DCDC1: variants seen among roughly 807,000 people sequenced by gnomAD.
DCDC1 encodes doublecortin domain-containing protein 1.
Under a neutral mutation model 178.3 loss-of-function variants are expected in DCDC1, and 200 were observed. The observed-to-expected ratio is 1.12, with a 90% CI of 1.00 to 1.26. The LOEUF (loss-of-function observed/expected upper bound fraction) is 1.26. Among genes scored for constraint, DCDC1 ranks in the 50% most tolerant of loss-of-function variants. The pLI is 0.00. For synonymous variants in DCDC1, 690 were observed against 604.8 expected (o/e 1.14, Z -2.07); for missense variants, 1,983 against 1,749.2 (o/e 1.13, Z -2.38).
At chr11:31,050,944 C>T (rs1452818972) in intron 20 of DCDC1, among the ~76,000 whole-genome samples, 2 of 151,990 alleles carry the variant, frequency 1.3e-5, no homozygotes, top group Non-Finnish European at 2.9e-5. Flanking sequence ...CCCAAAAAAC[C>T]ACACTAGTTC....
chr11:30,891,882 A>G (rs2134049668), intron 36 of DCDC1, among the ~76,000 whole-genome samples: 1 of 152,230 alleles, frequency 6.6e-6, no homozygotes, highest in Non-Finnish European at 1.5e-5. Context: ...ACACTTTGTA[A>G]CTGGATTAAT....
At chr11:31,130,741 G>C (rs1171497657) in intron 10 of DCDC1, among the ~76,000 whole-genome samples, 1 of 152,070 alleles carries the variant, frequency 6.6e-6, no homozygotes, top group Non-Finnish European at 1.5e-5. Context: ...TGAGAGTCTA[G>C]AAATTTCTAT....
chr11:31,199,535 G>A (rs1352310543), intron 9 of DCDC1, among the ~76,000 whole-genome samples: 6 of 152,168 alleles, frequency 3.9e-5, no homozygotes. Context: ...GATACTAATT[G>A]TTCCGATTAA....
At chr11:31,152,193 C>G (rs886106470) in intron 9 of DCDC1, among the ~76,000 whole-genome samples, 1 of 152,164 alleles carries the variant, frequency 6.6e-6, no homozygotes, top group Non-Finnish European at 1.5e-5. Context: ...ACTTGCGACA[C>G]AAGAAGTTTG....
At chr11:31,107,403 A>C (rs1425841866) in intron 12 of DCDC1, among the ~76,000 whole-genome samples, 1 of 152,216 alleles carries the variant, frequency 6.6e-6, no homozygotes, top group African/African-American at 2.4e-5. Flanking sequence ...AACCAGTAGT[A>C]GGACAACTGC....
At chr11:31,214,178 A>G (rs1257305493) in intron 9 of DCDC1, among the ~76,000 whole-genome samples, 2 of 152,192 alleles carry the variant, frequency 1.3e-5, no homozygotes, top group Admixed American at 6.5e-5. Context: ...TTTCTGTTGT[A>G]CTGTTGCAAA....
At chr11:31,064,347 G>A (rs530430564) in intron 20 of DCDC1, 122 bp downstream of exon 20, 34 of 596,258 alleles carry the variant, frequency 5.7e-5, no homozygotes, top group African/African-American at 5.0e-4. Context: ...AAACTACTAC[G>A]CTTGAAAGCC....
At chr11:31,201,667 A>G (rs1277907944) in intron 9 of DCDC1, among the ~76,000 whole-genome samples, 1 of 152,132 alleles carries the variant, frequency 6.6e-6, no homozygotes, top group Admixed American at 6.5e-5. Context: ...GGAAAGAAAA[A>G]AAAAAAAAGA....
chr11:30,975,790 A>T (rs1391194103), intron 20 of DCDC1, among the ~76,000 whole-genome samples: 1 of 152,038 alleles, frequency 6.6e-6, no homozygotes, highest in Non-Finnish European at 1.5e-5. Context: ...TACAGCCAAA[A>T]GCAATCTACA....
At chr11:31,260,104 G>A (rs1158777932) in intron 8 of DCDC1, among the ~76,000 whole-genome samples, 1 of 152,140 alleles carries the variant, frequency 6.6e-6, no homozygotes, top group Non-Finnish European at 1.5e-5. Context: ...GAGCCCAGAC[G>A]GTAGCTGCTG....
intron 6 of DCDC1, among the ~76,000 whole-genome samples, chr11:31,295,358 T>C (rs1447521439): frequency 6.6e-6 from 1 of 152,180 alleles, no homozygotes; most frequent in Non-Finnish European, 1.5e-5. Context: ...GTGCATAGTG[T>C]AGTAGACACT....
intron 3 of DCDC1, among the ~76,000 whole-genome samples, chr11:31,322,661 C>G (rs1253745316): frequency 1.3e-5 from 2 of 152,146 alleles, no homozygotes; most frequent in African/African-American, 4.8e-5. Context: ...AGCCATCTTG[C>G]AAGCAGGAGG....
At chr11:31,029,569 A>T (rs2135264775) in intron 20 of DCDC1, among the ~76,000 whole-genome samples, 1 of 152,140 alleles carries the variant, frequency 6.6e-6, no homozygotes, top group South Asian at 2.1e-4. Context: ...TTAGCAAACA[A>T]ATATTTTGTT....
chr11:30,899,456 T>C (rs939043470), intron 34 of DCDC1, 85 bp downstream of exon 34: 1 of 734,092 alleles, frequency 1.4e-6, no homozygotes, highest in Non-Finnish European at 2.0e-6. Context: ...AAACACTTGG[T>C]ATCTAATGGT....
At chr11:31,314,765 A>G (rs1948968603) in intron 3 of DCDC1, among the ~76,000 whole-genome samples, 1 of 152,204 alleles carries the variant, frequency 6.6e-6, no homozygotes, top group Non-Finnish European at 1.5e-5. Context: ...CTTAAAGATA[A>G]CTGATTATGT....
chr11:30,995,170 T>C (rs1951192967), intron 20 of DCDC1, among the ~76,000 whole-genome samples: 1 of 152,124 alleles, frequency 6.6e-6, no homozygotes, highest in Non-Finnish European at 1.5e-5. Context: ...TTACACAAAA[T>C]ATTAAGATAA....
chr11:31,205,447 T>C (rs1191519601), intron 9 of DCDC1, among the ~76,000 whole-genome samples: 3 of 152,202 alleles, frequency 2.0e-5, no homozygotes, highest in Non-Finnish European at 1.5e-5. Flanking sequence ...AGGGTAATAA[T>C]TGATAGTACT....
At position 30,915,965 on chromosome 11, in the gene DCDC1, C is replaced by T. The variant is rs974684259; in HGVS notation, c.3453-254G>A. ...TTACCAGGAGAATATTTGAAAAATT[C>T]GTTAGCAAAGAAAAAAGAACTTCAG... is the stretch of plus-strand genomic sequence containing the variant. On this transcript the variant is annotated intron_variant, in intron 26 of 38. Transcript: ENST00000684477. Among the ~76,000 whole-genome samples the T allele has an allele frequency of 7.9e-5, 12 of 151,856 alleles. No homozygotes were observed. In the South Asian group the frequency reaches 8.3e-4, roughly 11 times the overall value.
intron 7 of DCDC1, among the ~76,000 whole-genome samples, chr11:31,275,059 G>C (rs1490069943): frequency 3.9e-5 from 6 of 152,026 alleles, no homozygotes; most frequent in Admixed American, 2.0e-4. Context: ...CAAGGCCATG[G>C]TTGGTTTTGC....
Sources: allele counts gnomAD v4.1 joint callset (sites outside exome capture counted in the v4.1 genomes callset), GRCh38; gene constraint gnomAD v4.1.1; transcripts MANE v1.5; gene names NCBI Gene and HGNC (gene_info 2026-07-23, HGNC 2026-07-21).